Variants in DACH2 observed in about 807,000 individuals in gnomAD.
DACH2 encodes dachshund homolog 2.
A neutral mutation model predicts 35.8 loss-of-function variants in DACH2; 17 were observed. That is an observed-to-expected ratio of 0.48 (90% confidence interval 0.33 to 0.71). DACH2 has a LOEUF of 0.71. Ranked by LOEUF, DACH2 falls within the 30% of genes least tolerant of loss-of-function variation. The pLI, the probability that DACH2 is intolerant of heterozygous loss-of-function variation, is 0.02. For synonymous variants in DACH2, 195 were observed against 177.3 expected, an observed-to-expected ratio of 1.10 and a Z score of -0.79; for missense variants, 469 against 472.7, an observed-to-expected ratio of 0.99 and a Z score of 0.07.
In DACH2 at chrX:86,469,842, T is replaced by TTGTG. The variant is rs59130472; in HGVS notation, c.528-44411_528-44408dup. ...AATATATGTATACGTCTGTGTGTGTTTGTGTGTGTGTGTGTGTGTGTGTGT... is the reference window on the plus strand; with the variant it reads ...AATATATGTATACGTCTGTGTGTGTTTGTGTGTGTGTGTGTGTGTGTGTGTGTGT... On this transcript the variant is annotated intron_variant, in intron 2 of 11. Transcript: ENST00000373125. 9.8e-3 allele frequency among the ~76,000 whole-genome samples: 1,005 copies of TTGTG among 102,988 alleles called. 9 individuals carry two copies. Among genetic ancestry groups the TTGTG allele is most frequent in the African/African-American group, 0.014 (405 of 28,579 alleles). 89.4% of individuals were successfully genotyped at this position (102,988 alleles called of 115,157 possible).
chrX:86,500,632 A>G (rs1266702009), intron 2 of DACH2, among the ~76,000 whole-genome samples: 1 of 111,598 alleles, frequency 9.0e-6, no homozygotes, highest in Non-Finnish European at 1.9e-5. Context: ...GTCCTCTTGA[A>G]GGTGATTAAT....
chrX:86,618,064 C>T lies in DACH2; in HGVS notation c.641-32972C>T, dbSNP rs778864627. Among the ~76,000 whole-genome samples the T allele has an allele frequency of 9.1e-4, 102 of 111,579 alleles. 1 individual carries two copies. The highest frequency in any genetic ancestry group is 3.3e-3 in the African/African-American group (100 of 30,680). ...GCTGAGGTGGGGGCATTGCTTGAGA[C>T]GAGGAGTTTGGGACCAGCCTGGGCT... On this transcript the variant is annotated intron_variant, in intron 3 of 11. Coordinates refer to ENST00000373125, the MANE Select transcript of DACH2 (RefSeq NM_053281.3).
chrX:86,436,041 T>G (rs977678114), intron 2 of DACH2, among the ~76,000 whole-genome samples: 1 of 111,493 alleles, frequency 9.0e-6, no homozygotes. Context: ...AATATTTTAG[T>G]ACAAATATCT....
chrX:86,582,870 A>C (rs1080780), intron 3 of DACH2, among the ~76,000 whole-genome samples: 44,817 of 109,504 alleles, frequency 0.41, 8,560 homozygotes, highest in African/African-American at 0.74. Context: ...TCTATGATGG[A>C]AGCATCACGC....
intron 3 of DACH2, among the ~76,000 whole-genome samples, chrX:86,546,123 G>GT (rs199693812): frequency 7.2e-5 from 8 of 111,374 alleles, no homozygotes; most frequent in African/African-American, 2.6e-4. Context: ...TTTGCAGCAG[G>GT]TTTTTTTCCT....
Position 86,148,747 on chromosome X carries a change from A to T in DACH2, c.127A>T (p.Ile43Phe), listed in dbSNP as rs767334455. ...REPPRLTPNM[I>F]NSFVVNNHSN... ...GCCCCCTCGTCTTACTCCTAATATG[A>T]TCAATAGTTTCGTGGTTAATAACCA... Residue 43 changes from isoleucine to phenylalanine, a missense_variant, in exon 1 of 12, where the codon ATC becomes TTC. This residue lies in a region of DACH2 where 99 missense variants were observed against 114.3 expected (regional missense o/e 0.87). Coordinates refer to ENST00000373125, the MANE Select transcript of DACH2 (RefSeq NM_053281.3). 4.7e-5 allele frequency: 57 copies of T among 1,208,613 alleles called. No homozygotes were observed. In the South Asian group the frequency reaches 9.7e-4, roughly 21 times the overall value.
At chrX:86,787,141 T>C (rs939151527) in intron 7 of DACH2, among the ~76,000 whole-genome samples, 12 of 111,903 alleles carry the variant, frequency 1.1e-4, no homozygotes, top group African/African-American at 3.9e-4. Flanking sequence ...ATCAGTAGCA[T>C]GAAAACGGAC....
At chrX:86,446,123 G>T (rs997566865) in intron 2 of DACH2, among the ~76,000 whole-genome samples, 1 of 110,246 alleles carries the variant, frequency 9.1e-6, no homozygotes, top group African/African-American at 3.3e-5. Context: ...GTCTCTGTAT[G>T]GTTTTCATTT....
At chrX:86,658,103 G>C (rs2148412583) in intron 4 of DACH2, among the ~76,000 whole-genome samples, 1 of 111,366 alleles carries the variant, frequency 9.0e-6, no homozygotes, top group South Asian at 3.7e-4. Flanking sequence ...GAGGGTATGA[G>C]ACCAACCATT....
chrX:86,541,836 G>A (rs1209232425), intron 3 of DACH2, among the ~76,000 whole-genome samples: 1 of 111,309 alleles, frequency 9.0e-6, no homozygotes, highest in African/African-American at 3.3e-5. Context: ...TGCATGAGGA[G>A]GAAGGTATCT....
intron 1 of DACH2, among the ~76,000 whole-genome samples, chrX:86,195,523 G>T (rs2031955065): frequency 9.0e-6 from 1 of 111,705 alleles, no homozygotes; most frequent in African/African-American, 3.3e-5. Flanking sequence ...CTCTGCCATT[G>T]TAGTGAATGT....
At chrX:86,225,935 G>A (rs746507908) in intron 1 of DACH2, among the ~76,000 whole-genome samples, 5 of 111,368 alleles carry the variant, frequency 4.5e-5, no homozygotes, top group Non-Finnish European at 7.6e-5. Flanking sequence ...TCTGTAGCTA[G>A]CAGGTACTAG....
chrX:86,616,358 G>A (rs553937581), intron 3 of DACH2, among the ~76,000 whole-genome samples: 11 of 111,527 alleles, frequency 9.9e-5, no homozygotes, highest in South Asian at 3.8e-4. Context: ...ATTGTTTTCC[G>A]TAATGATTTA....
chrX:86,590,960 C>T (rs1359120338), intron 3 of DACH2, among the ~76,000 whole-genome samples: 1 of 110,277 alleles, frequency 9.1e-6, no homozygotes, highest in Non-Finnish European at 1.9e-5. Flanking sequence ...GCTATCCCTC[C>T]CCCTTCCCCC....
chrX:86,593,393 A>ATTT (rs2039671729), intron 3 of DACH2, among the ~76,000 whole-genome samples: 1 of 100,249 alleles, frequency 1.0e-5, no homozygotes, highest in African/African-American at 3.8e-5. Flanking sequence ...TTTCATATAT[A>ATTT]TATTTTTTTA....
intron 3 of DACH2, among the ~76,000 whole-genome samples, chrX:86,635,149 A>G (rs2040247748): frequency 1.8e-5 from 2 of 111,243 alleles, no homozygotes; most frequent in Admixed American, 9.6e-5. Flanking sequence ...ATTCTACAGC[A>G]CATCAAAAAG....
chrX:86,554,989 T>G (rs1160472561), intron 3 of DACH2, among the ~76,000 whole-genome samples: 1 of 111,368 alleles, frequency 9.0e-6, no homozygotes, highest in African/African-American at 3.3e-5. Context: ...CATTTTGATT[T>G]TATGGATATT....
At chrX:86,552,838 C>CA (rs1471465804) in intron 3 of DACH2, among the ~76,000 whole-genome samples, 2 of 110,179 alleles carry the variant, frequency 1.8e-5, no homozygotes, top group East Asian at 2.9e-4. Context: ...CATAGGGAAG[C>CA]AAAAAATGTT....
At chrX:86,738,040 A>C (rs754326744) in intron 6 of DACH2, among the ~76,000 whole-genome samples, 1 of 111,630 alleles carries the variant, frequency 9.0e-6, no homozygotes, top group Non-Finnish European at 1.9e-5. Flanking sequence ...CTCTGCAGTC[A>C]TGTCTCCCTC....
Sources: gnomAD v4.1 joint callset for allele counts (sites outside exome capture counted in the v4.1 genomes callset) on GRCh38, gnomAD v4.1.1 for gene constraint, gnomAD v4.1.1 regional missense constraint, MANE v1.5 for transcripts, NCBI Gene and HGNC (gene_info 2026-07-23, HGNC 2026-07-21) for gene names.